ABHD6: variants seen among roughly 807,000 people sequenced by gnomAD.
ABHD6 encodes the protein monoacylglycerol lipase ABHD6.
Under a neutral mutation model 38.8 loss-of-function variants are expected in ABHD6, and 33 were observed. The ratio of observed to expected loss-of-function variants is 0.85; its 90% CI spans 0.64 to 1.14. The LOEUF (loss-of-function observed/expected upper bound fraction) is 1.14, where lower values mean the gene tolerates loss of function less well. ABHD6 is among the 50% of genes most tolerant of loss of function. ABHD6 has a pLI of 0.00. For missense variants in ABHD6, 380 were observed against 422.6 expected, an observed-to-expected ratio of 0.90 and a Z score of 0.88; for synonymous variants, 147 against 161.6, an observed-to-expected ratio of 0.91 and a Z score of 0.69.
At position 58,265,345 on chromosome 3, in the gene ABHD6, G is replaced by A. The variant is rs1251920663; in HGVS notation, c.120-1844G>A. Among the ~76,000 whole-genome samples, 1 of 152,126 alleles carries A rather than the reference G, an allele frequency of 6.6e-6. No homozygotes were observed. Among genetic ancestry groups the A allele is most frequent in the South Asian group, 2.1e-4 (1 of 4,830 alleles). ...AGTGTTGAATTAGGGTTTTAGCATG[G>A]TTGAGATCAATTTGTAAGCTTTTTA... is the stretch of plus-strand genomic sequence containing the variant. On this transcript the variant is annotated intron_variant, in intron 3 of 9. Transcript: ENST00000478253. This position sits in a 1 kb window ranked among gnomAD's most constrained non-coding sequence, Gnocchi z 4.2.
intron 1 of ABHD6, among the ~76,000 whole-genome samples, chr3:58,240,549 T>C (rs940651312): frequency 1.2e-4 from 19 of 152,044 alleles, no homozygotes; most frequent in African/African-American, 4.6e-4. Context: ...TAAAAATTTC[T>C]CCTATTTGAG....
Position 58,293,042 on chromosome 3 carries a change from G to A in ABHD6, c.838-547G>A, listed in dbSNP as rs1194949848. On this transcript the variant is annotated intron_variant, in intron 9 of 9. Coordinates refer to ENST00000478253, the MANE Select transcript of ABHD6 (RefSeq NM_001320126.2). The surrounding 1 kb of genome is among the most constrained non-coding windows in gnomAD (Gnocchi z 4.4). ...CAAGTCACTCACCTTAACACAGCCT[G>A]TGGTTCCCCATGGTCCGTGTGGCTG... Among the ~76,000 whole-genome samples, 6 of 152,164 alleles carry A rather than the reference G, an allele frequency of 3.9e-5. No individual in the cohort carries two copies. Among genetic ancestry groups the A allele is most frequent in the South Asian group, 2.1e-4 (1 of 4,828 alleles).
chr3:58,249,477 C>T (rs886132897), intron 1 of ABHD6, among the ~76,000 whole-genome samples: 4 of 152,170 alleles, frequency 2.6e-5, no homozygotes, highest in Admixed American at 2.6e-4. Flanking sequence ...ACTCTGGTAA[C>T]AATATTATCC....
Position 58,285,588 on chromosome 3 carries a change from G to GCC in ABHD6, c.837+135_837+136insCC. On this transcript the variant is annotated intron_variant, in intron 9 of 9. Transcript: ENST00000478253. This position sits in a 1 kb window ranked among gnomAD's most constrained non-coding sequence, Gnocchi z 4.9. The stretch of plus-strand genomic sequence containing the variant: ...TCAGGAAGAGGGGGAAGGCACCTGT[G>GCC]TTGGGTGCCAGTGTTGACAGTGGGC... The GCC allele has an allele frequency of 5.4e-6, 4 of 741,200 alleles. No homozygotes were observed. Among genetic ancestry groups the GCC allele is most frequent in the Non-Finnish European group, 7.0e-6 (3 of 427,458 alleles). The allele number at this position is 741,200 out of a possible 1,614,324, so 45.9% of individuals were successfully genotyped here. A position where few individuals can be genotyped will look rare whatever the true frequency, so the allele number is the denominator to read the frequency against.
chr3:58,281,881 C>T (rs2097453577), intron 7 of ABHD6, among the ~76,000 whole-genome samples: 1 of 152,058 alleles, frequency 6.6e-6, no homozygotes, highest in African/African-American at 2.4e-5. Context: ...TTTGGGAGGC[C>T]AAGATGGGAG....
At chr3:58,288,885 GT>G (rs949744098) in intron 9 of ABHD6, among the ~76,000 whole-genome samples, 16 of 151,978 alleles carry the variant, frequency 1.1e-4, no homozygotes, top group Admixed American at 2.0e-4. Context: ...TTCCATTAAT[GT>G]TTTTTTTAAC....
chr3:58,246,561 G>A (rs1451518855), intron 1 of ABHD6, among the ~76,000 whole-genome samples: 1 of 152,184 alleles, frequency 6.6e-6, no homozygotes, highest in African/African-American at 2.4e-5. Flanking sequence ...TTCCCACAGT[G>A]CTGCCCAGGT....
At position 58,266,223 on chromosome 3, in the gene ABHD6, T is replaced by G. The variant is rs2097440810; in HGVS notation, c.120-966T>G. On this transcript the variant is annotated intron_variant, in intron 3 of 9. Transcript: ENST00000478253. The surrounding 1 kb of genome is among the most constrained non-coding windows in gnomAD (Gnocchi z 4.0). ...AAGCACTTTGGGAGGCCAACGTGGATGGATCACTTGAGGCCAGGAGTTTGA... is the reference window on the plus strand; with the variant it reads ...AAGCACTTTGGGAGGCCAACGTGGAGGGATCACTTGAGGCCAGGAGTTTGA... Among the ~76,000 whole-genome samples, 1 of 152,150 alleles carries G rather than the reference T, an allele frequency of 6.6e-6. No homozygotes were observed. The highest frequency in any genetic ancestry group is 1.5e-5 in the Non-Finnish European group (1 of 68,028).
chr3:58,246,682 T>C (rs1378074876), intron 1 of ABHD6, among the ~76,000 whole-genome samples: 1 of 151,946 alleles, frequency 6.6e-6, no homozygotes, highest in Non-Finnish European at 1.5e-5. Context: ...AACCATCTAA[T>C]CAGTACCTCT....
chr3:58,269,493 G>T lies in ABHD6; in HGVS notation c.390+59G>T. On this transcript the variant is annotated intron_variant, in intron 5 of 9. Transcript: ENST00000478253. The surrounding 1 kb of genome is among the most constrained non-coding windows in gnomAD (Gnocchi z 4.4). ...CTGTCTCAGCCACCATTACATGTCT[G>T]AGTCTGGAGAGCAGGGAAGGGAGTC... is the stretch of plus-strand genomic sequence containing the variant. 7.6e-7 allele frequency: 1 copy of T among 1,322,062 alleles called. No individual in the cohort carries two copies. The highest frequency in any genetic ancestry group is 1.1e-6 in the Non-Finnish European group (1 of 925,942). The allele number at this position is 1,322,062 out of a possible 1,614,324, so 81.9% of individuals were successfully genotyped here.
chr3:58,239,777 G>A (rs1022847326), intron 1 of ABHD6, among the ~76,000 whole-genome samples: 4 of 151,968 alleles, frequency 2.6e-5, no homozygotes, highest in Non-Finnish European at 5.9e-5. Context: ...TGCAGTATGC[G>A]TTGGGTGAGG....
At chr3:58,261,034 G>C (rs533247968) in intron 3 of ABHD6, among the ~76,000 whole-genome samples, 1 of 152,150 alleles carries the variant, frequency 6.6e-6, no homozygotes, top group African/African-American at 2.4e-5. Context: ...AGCCACACCG[G>C]GGATGCTGTG....
At chr3:58,252,229 GTTTT>G (rs10671892) in intron 2 of ABHD6, among the ~76,000 whole-genome samples, 1 of 80,966 alleles carries the variant, frequency 1.2e-5, no homozygotes, top group African/African-American at 5.2e-5. Flanking sequence ...TTGACTGCTT[GTTTT>G]TTTTTTTTTT....
chr3:58,269,228 T>G lies in ABHD6; in HGVS notation c.277-93T>G. ...ACCCATACATCCCCAGGGATGGCTG[T>G]CTGGGTCACTGTACATGGGGCAACC... On this transcript the variant is annotated intron_variant, in intron 4 of 9. Coordinates refer to ENST00000478253, the MANE Select transcript of ABHD6 (RefSeq NM_001320126.2). The surrounding 1 kb of genome is among the most constrained non-coding windows in gnomAD (Gnocchi z 4.4). 2.4e-6 allele frequency: 2 copies of G among 843,266 alleles called. No individual in the cohort carries two copies. The highest frequency in any genetic ancestry group is 3.9e-6 in the Non-Finnish European group (2 of 509,392). The allele number at this position is 843,266 out of a possible 1,614,324, so 52.2% of individuals were successfully genotyped here.
chr3:58,288,788 G>A (rs1407366199), intron 9 of ABHD6, among the ~76,000 whole-genome samples: 1 of 152,198 alleles, frequency 6.6e-6, no homozygotes, highest in Non-Finnish European at 1.5e-5. Context: ...CGAGACAAGG[G>A]TGAGATGAGA....
At chr3:58,289,091 G>C (rs2097459564) in intron 9 of ABHD6, among the ~76,000 whole-genome samples, 1 of 152,050 alleles carries the variant, frequency 6.6e-6, no homozygotes, top group African/African-American at 2.4e-5. Flanking sequence ...TTCTTGCTCT[G>C]TCACCCAGGC....
chr3:58,254,774 T>C (rs955070242), intron 2 of ABHD6, among the ~76,000 whole-genome samples: 2 of 150,954 alleles, frequency 1.3e-5, no homozygotes, highest in Admixed American at 6.6e-5. Context: ...ATGACTGGAC[T>C]TGAAATATAT....
At chr3:58,279,754 T>C (rs536183362) in intron 7 of ABHD6, among the ~76,000 whole-genome samples, 1 of 152,320 alleles carries the variant, frequency 6.6e-6, no homozygotes, top group Non-Finnish European at 1.5e-5. Context: ...TGTTTAGTGC[T>C]TCCTTCAGGA....
chr3:58,286,043 G>C (rs1426399897), intron 9 of ABHD6, among the ~76,000 whole-genome samples: 3 of 146,910 alleles, frequency 2.0e-5, no homozygotes, highest in Non-Finnish European at 4.5e-5. Flanking sequence ...TTTTTTAGAC[G>C]AAGTCTTGCT....
Sources: gnomAD v4.1 joint callset for allele counts (sites outside exome capture counted in the v4.1 genomes callset) on GRCh38, gnomAD v4.1.1 for gene constraint, Gnocchi (gnomAD v3.1) non-coding constraint, MANE v1.5 for transcripts, NCBI Gene and HGNC (gene_info 2026-07-23, HGNC 2026-07-21) for gene names.